Variants in RELCH observed in about 807,000 individuals in gnomAD.
RELCH encodes RAB11 binding and LisH domain, coiled-coil and HEAT repeat containing.
In RELCH, 41 loss-of-function variants were observed where a neutral mutation model predicts 150.3. The observed-to-expected ratio is 0.27, with a 90% CI of 0.21 to 0.35. The LOEUF is 0.35. RELCH is among the 10% of genes least tolerant of loss of function. The pLI is 1.00. For synonymous variants in RELCH, 478 were observed against 531.8 expected (o/e 0.90, Z 1.39); for missense variants, 1,092 against 1,467.8 (o/e 0.74, Z 4.18).
intron 22 of RELCH, 44 bp from the exon 23 acceptor site, chr18:62,279,730 T>C: frequency 7.6e-7 from 1 of 1,311,722 alleles, no homozygotes; most frequent in Non-Finnish European, 1.1e-6. Context: ...GTGTTTGCTC[T>C]TTCCGTGCAT....
chr18:62,262,172 G>A, intron 16 of RELCH, among the ~76,000 whole-genome samples: 1 of 152,164 alleles, frequency 6.6e-6, no homozygotes, highest in African/African-American at 2.4e-5. Context: ...GAAGAAATGT[G>A]ACTTACTTTC....
At chr18:62,266,640 C>A in intron 18 of RELCH, 61 bp from the exon 19 acceptor site, 1 of 1,024,630 alleles carries the variant, frequency 9.8e-7, no homozygotes, top group Non-Finnish European at 1.5e-6. Context: ...GTAAACATTT[C>A]ATTTAATCAA....
At chr18:62,215,680 A>C (rs2040435816) in intron 2 of RELCH, among the ~76,000 whole-genome samples, 1 of 152,194 alleles carries the variant, frequency 6.6e-6, no homozygotes, top group East Asian at 1.9e-4. Flanking sequence ...ATAAGCCTAG[A>C]AAACTAATGC....
At chr18:62,205,239 G>C (rs903937429) in intron 1 of RELCH, among the ~76,000 whole-genome samples, 1 of 152,154 alleles carries the variant, frequency 6.6e-6, no homozygotes, top group Non-Finnish European at 1.5e-5. Context: ...TATTTAAAGA[G>C]AGTAAAATAT....
At chr18:62,293,202 A>T (rs536995213) in intron 27 of RELCH, among the ~76,000 whole-genome samples, 1 of 152,334 alleles carries the variant, frequency 6.6e-6, no homozygotes, top group African/African-American at 2.4e-5. Context: ...AGGCTATATT[A>T]CATATCTGTT....
intron 20 of RELCH, chr18:62,269,599 CA>C (rs886269790): frequency 4.9e-6 from 1 of 202,088 alleles, no homozygotes; most frequent in Non-Finnish European, 1.1e-5. Context: ...GTTGCTGTCT[CA>C]GCCACCTATG....
chr18:62,286,961 G>A (rs1167634274), intron 25 of RELCH, among the ~76,000 whole-genome samples: 1 of 152,116 alleles, frequency 6.6e-6, no homozygotes, highest in African/African-American at 2.4e-5. Context: ...TGATTTCATA[G>A]CAATGGTAAT....
intron 1 of RELCH, among the ~76,000 whole-genome samples, chr18:62,201,104 G>C (rs1024593631): frequency 6.7e-6 from 1 of 150,242 alleles, no homozygotes; most frequent in Non-Finnish European, 1.5e-5. Context: ...CTCCCAAGTA[G>C]CTGGGTCTAC....
chr18:62,234,223 A>G (rs1360601796), intron 10 of RELCH, among the ~76,000 whole-genome samples: 1 of 151,808 alleles, frequency 6.6e-6, no homozygotes, highest in African/African-American at 2.4e-5. Context: ...TTACTTTTTA[A>G]TATTTCACCC....
intron 22 of RELCH, chr18:62,277,565 C>T (rs536758559): frequency 1.3e-6 from 1 of 752,924 alleles, no homozygotes; most frequent in Non-Finnish European, 1.6e-6. Context: ...ATAAAAAAAA[C>T]ACATTCTTTT....
intron 25 of RELCH, among the ~76,000 whole-genome samples, chr18:62,286,636 A>G (rs554143547): frequency 6.6e-6 from 1 of 152,236 alleles, no homozygotes; most frequent in Non-Finnish European, 1.5e-5. Flanking sequence ...CAATTTAACA[A>G]TCACTGACCC....
At chr18:62,220,941 T>C (rs1235613646) in intron 2 of RELCH, 96 bp from the exon 3 acceptor site, 5 of 957,732 alleles carry the variant, frequency 5.2e-6, no homozygotes, top group African/African-American at 1.7e-5. Context: ...AAATTGTATT[T>C]TTTTTTCATA....
chr18:62,265,645 A>G (rs1487025596), intron 18 of RELCH, among the ~76,000 whole-genome samples: 1 of 152,054 alleles, frequency 6.6e-6, no homozygotes, highest in Non-Finnish European at 1.5e-5. Flanking sequence ...AGTATGCTAT[A>G]AGGAACTGGA....
At position 62,258,600 on chromosome 18, in the gene RELCH, C is replaced by T. The variant is rs780897375; in HGVS notation, c.2126C>T (p.Ala709Val). 1.2e-5 allele frequency: 19 copies of T among 1,601,838 alleles called. No individual in the cohort carries two copies. Among genetic ancestry groups the T allele is most frequent in the Middle Eastern group, 1.7e-4 (1 of 6,026 alleles). The stretch of plus-strand genomic sequence containing the variant: ...CAAGTATTTTTACCAGCTTACGCTG[C>T]GTGGACTACAGAACTTGGAAATTTA... ...THQVFLPAYA[A>V]WTTELGNLQS... The change falls in exon 15 of 29, where the codon GCG becomes GTG. Residue 709 changes from alanine to valine, a missense_variant. Ala to Val is a moderately conservative substitution (Grantham distance 64). Transcript: ENST00000644646.
intron 11 of RELCH, chr18:62,246,939 T>C (rs2148510198): frequency 6.6e-6 from 1 of 152,358 alleles, no homozygotes; most frequent in Admixed American, 6.5e-5. Context: ...AGTTTTTTTA[T>C]ATACGATATT....
chr18:62,246,004 C>A (rs961532024), intron 11 of RELCH: 16 of 152,112 alleles, frequency 1.1e-4, no homozygotes, highest in African/African-American at 3.9e-4. Context: ...TACCTGGTGA[C>A]CCCCTCAGGC....
intron 1 of RELCH, among the ~76,000 whole-genome samples, chr18:62,210,813 C>G (rs995004100): frequency 1.3e-5 from 2 of 152,132 alleles, no homozygotes; most frequent in African/African-American, 2.4e-5. Context: ...AGACTGGATT[C>G]TGTTCTTTCA....
chr18:62,202,586 C>T (rs144518940), intron 1 of RELCH, among the ~76,000 whole-genome samples: 2 of 152,122 alleles, frequency 1.3e-5, no homozygotes, highest in African/African-American at 2.4e-5. Context: ...TATTTTTCAA[C>T]GGCCATGATA....
In RELCH at chr18:62,273,964, T is replaced by C; in HGVS notation, c.2761-16T>C. ...TGATTGTTTGGAAATTCAGTATCAG[T>C]ATTTTTCCTCTGTAGGAAGAAGACC... On this transcript the variant is annotated splice_polypyrimidine_tract_variant and intron_variant, in intron 20 of 28. Coordinates refer to ENST00000644646, the MANE Select transcript of RELCH (RefSeq NM_001346231.2). 6.8e-7 allele frequency: 1 copy of C among 1,477,692 alleles called. No individual in the cohort carries two copies. Among genetic ancestry groups the C allele is most frequent in the South Asian group, 1.1e-5 (1 of 87,660 alleles). 91.5% of individuals were successfully genotyped at this position (1,477,692 alleles called of 1,614,324 possible). A position where few individuals can be genotyped will look rare whatever the true frequency, so the allele number is the denominator to read the frequency against.
Sources: allele counts gnomAD v4.1 joint callset (sites outside exome capture counted in the v4.1 genomes callset), GRCh38; gene constraint gnomAD v4.1.1; transcripts MANE v1.5; gene names NCBI Gene and HGNC (gene_info 2026-07-23, HGNC 2026-07-21).